GNA14: variants seen among roughly 807,000 people sequenced by gnomAD.
GNA14 encodes guanine nucleotide-binding protein subunit alpha-14.
GNA14 carries 50 observed loss-of-function variants against 42.0 expected under a neutral mutation model. The observed-to-expected ratio is 1.19, with a 90% CI of 0.95 to 1.51. The LOEUF is 1.51. Among genes scored for constraint, GNA14 ranks in the 40% most tolerant of loss-of-function variants. GNA14 has a pLI of 0.00. For synonymous variants in GNA14, 173 were observed against 163.1 expected, an observed-to-expected ratio of 1.06 and a Z score of -0.46; for missense variants, 473 against 446.2, an observed-to-expected ratio of 1.06 and a Z score of -0.54.
intron 1 of GNA14, among the ~76,000 whole-genome samples, chr9:77,630,872 G>A (rs1441135970): frequency 1.3e-5 from 2 of 152,198 alleles, no homozygotes; most frequent in Admixed American, 1.3e-4. Context: ...ATGGGAGGAT[G>A]AGAGACATCA....
At chr9:77,607,852 G>A (rs139061418) in intron 1 of GNA14, among the ~76,000 whole-genome samples, 482 of 152,268 alleles carry the variant, frequency 3.2e-3, no homozygotes, top group African/African-American at 0.011. Context: ...TCTCATAAGG[G>A]TGCTAATCTC....
intron 2 of GNA14, among the ~76,000 whole-genome samples, chr9:77,448,086 G>A (rs1835851139): frequency 6.6e-6 from 1 of 152,204 alleles, no homozygotes; most frequent in Non-Finnish European, 1.5e-5. Context: ...GCCTGTTTTT[G>A]CTAATAAAGT....
At position 77,464,341 on chromosome 9, in the gene GNA14, GTGTGTGTATA is replaced by G. The variant is rs1256080460; in HGVS notation, c.310-29829_310-29820del. 3.6e-3 allele frequency among the ~76,000 whole-genome samples: 465 copies of G among 130,972 alleles called. 1 individual carries two copies. Among genetic ancestry groups the G allele is most frequent in the African/African-American group, 0.014 (417 of 30,496 alleles). The allele number at this position is 130,972 out of a possible 152,430, so 85.9% of individuals were successfully genotyped here. The stretch of plus-strand genomic sequence containing the variant: ...AGTGTGTGTATATATATGTGTGTGT[GTGTGTGTATA>G]TGTGTGTGTGTGTGTGTGTGTGTGT... On this transcript the variant is annotated intron_variant, in intron 2 of 6. Transcript: ENST00000341700.
intron 2 of GNA14, among the ~76,000 whole-genome samples, chr9:77,464,912 C>T (rs898959589): frequency 5.3e-5 from 8 of 151,884 alleles, no homozygotes; most frequent in African/African-American, 1.7e-4. Context: ...AGGAGAATGC[C>T]GTGTGAAGCC....
At chr9:77,507,645 G>GA (rs1418703202) in intron 2 of GNA14, among the ~76,000 whole-genome samples, 1 of 152,038 alleles carries the variant, frequency 6.6e-6, no homozygotes, top group Non-Finnish European at 1.5e-5. Flanking sequence ...CCAATAATCA[G>GA]AAAAACAGCC....
chr9:77,437,098 C>T (rs988494688), intron 2 of GNA14, among the ~76,000 whole-genome samples: 3 of 152,216 alleles, frequency 2.0e-5, no homozygotes, highest in Admixed American at 1.3e-4. Flanking sequence ...CTAAGTTTCA[C>T]TGTCAAAATC....
At chr9:77,428,658 G>A (rs1835493480) in intron 5 of GNA14, among the ~76,000 whole-genome samples, 1 of 152,286 alleles carries the variant, frequency 6.6e-6, no homozygotes, top group Admixed American at 6.5e-5. Flanking sequence ...CCTTTCATAT[G>A]TATTTGAATT....
chr9:77,619,237 G>A (rs1823883969), intron 1 of GNA14, among the ~76,000 whole-genome samples: 1 of 151,896 alleles, frequency 6.6e-6, no homozygotes, highest in Non-Finnish European at 1.5e-5. Flanking sequence ...ACAGAGTTTC[G>A]CTCTTTTTGC....
intron 1 of GNA14, among the ~76,000 whole-genome samples, chr9:77,541,934 T>C (rs991065584): frequency 3.9e-5 from 6 of 152,206 alleles, no homozygotes; most frequent in African/African-American, 1.4e-4. Flanking sequence ...CTCATTCATA[T>C]CCTGAATTGT....
chr9:77,539,976 C>G (rs2131775558), intron 1 of GNA14, among the ~76,000 whole-genome samples: 1 of 151,880 alleles, frequency 6.6e-6, no homozygotes, highest in Admixed American at 6.6e-5. Context: ...TTTTTTTAGT[C>G]TCTGCTTCAT....
intron 1 of GNA14, among the ~76,000 whole-genome samples, chr9:77,562,652 A>G (rs1822901515): frequency 6.6e-6 from 1 of 152,196 alleles, no homozygotes; most frequent in Non-Finnish European, 1.5e-5. Flanking sequence ...ATTTTGCTGG[A>G]AAATTTACAA....
chr9:77,458,612 C>G (rs1836048907), intron 2 of GNA14, among the ~76,000 whole-genome samples: 1 of 152,072 alleles, frequency 6.6e-6, no homozygotes, highest in Non-Finnish European at 1.5e-5. Flanking sequence ...TAAGGATGCC[C>G]CACGTATTTG....
intron 2 of GNA14, among the ~76,000 whole-genome samples, chr9:77,464,691 C>T (rs996497553): frequency 6.6e-6 from 1 of 152,064 alleles, no homozygotes; most frequent in African/African-American, 2.4e-5. Context: ...CAGAAAACCG[C>T]CGTACCTATT....
At chr9:77,592,576 C>G (rs1216323070) in intron 1 of GNA14, among the ~76,000 whole-genome samples, 1 of 152,150 alleles carries the variant, frequency 6.6e-6, no homozygotes, top group African/African-American at 2.4e-5. Flanking sequence ...TTACCCCAGT[C>G]ACCACCACTC....
At chr9:77,444,067 A>G (rs958945939) in intron 2 of GNA14, among the ~76,000 whole-genome samples, 1 of 152,198 alleles carries the variant, frequency 6.6e-6, no homozygotes, top group African/African-American at 2.4e-5. Context: ...CTGTAGCTAC[A>G]TGAGTGTGAA....
chr9:77,488,343 C>T (rs541588528), intron 2 of GNA14, among the ~76,000 whole-genome samples: 14 of 152,236 alleles, frequency 9.2e-5, no homozygotes, highest in African/African-American at 3.1e-4. Flanking sequence ...ACTAGCCTCC[C>T]CACCTTCTTG....
chr9:77,632,196 G>A (rs1330828743), intron 1 of GNA14, among the ~76,000 whole-genome samples: 2 of 152,200 alleles, frequency 1.3e-5, no homozygotes, highest in East Asian at 1.9e-4. Flanking sequence ...GCAAAGTTGG[G>A]GCCATGGGAA....
At chr9:77,494,196 A>G (rs528788307) in intron 2 of GNA14, among the ~76,000 whole-genome samples, 37 of 152,270 alleles carry the variant, frequency 2.4e-4, no homozygotes, top group African/African-American at 8.7e-4. Flanking sequence ...GTGCTATTAC[A>G]GGTGTGAGCC....
At chr9:77,639,939 C>T (rs932063501) in intron 1 of GNA14, among the ~76,000 whole-genome samples, 1 of 152,194 alleles carries the variant, frequency 6.6e-6, no homozygotes, top group African/African-American at 2.4e-5. Context: ...CCTTGGATTT[C>T]CGCTAGTATA....
Sources: gnomAD v4.1 joint callset for allele counts (sites outside exome capture counted in the v4.1 genomes callset) on GRCh38, gnomAD v4.1.1 for gene constraint, MANE v1.5 for transcripts, NCBI Gene and HGNC (gene_info 2026-07-23, HGNC 2026-07-21) for gene names.